Variants in TRMT9B observed in about 807,000 individuals in gnomAD.
The protein encoded by TRMT9B is probable tRNA methyltransferase 9B.
Under a neutral mutation model 11.5 loss-of-function variants are expected in TRMT9B, and 16 were observed. That is an observed-to-expected ratio of 1.39 (90% CI 0.94 to 2.11). TRMT9B has a LOEUF of 2.11. Among genes scored for constraint, TRMT9B ranks in the 30% most tolerant of loss-of-function variants. TRMT9B has a pLI of 0.00. For synonymous variants in TRMT9B, 274 were observed against 192.4 expected (o/e 1.42, Z -3.51); for missense variants, 941 against 553.8 (o/e 1.70, Z -7.02).
At chr8:12,972,424 C>T (rs1803776343) in intron 1 of TRMT9B, among the ~76,000 whole-genome samples, 1 of 152,122 alleles carries the variant, frequency 6.6e-6, no homozygotes, top group South Asian at 2.1e-4. Flanking sequence ...TGCAAAAGAG[C>T]TAGTCCTGGG....
intron 1 of TRMT9B, among the ~76,000 whole-genome samples, chr8:12,958,034 C>G (rs747360703): frequency 6.6e-6 from 1 of 152,036 alleles, no homozygotes; most frequent in South Asian, 2.1e-4. Context: ...CGTTTTCACC[C>G]GGCTGATAAA....
intron 2 of TRMT9B, among the ~76,000 whole-genome samples, chr8:13,001,911 T>C (rs1186313562): frequency 6.6e-6 from 1 of 152,222 alleles, no homozygotes. Context: ...CCCGTGCTCT[T>C]GTTTTAGTAC....
In TRMT9B at chr8:13,024,864, T is replaced by A. The variant is rs1198791947; in HGVS notation, c.*2820T>A. 3 of 166,990 alleles carry A rather than the reference T, an allele frequency of 1.8e-5. No homozygotes were observed. The Admixed American group carries it at 2.0e-4, about 11-fold the overall frequency. The allele number at this position is 166,990 out of a possible 1,614,324, so 10.3% of individuals were successfully genotyped here. On this transcript the variant is annotated 3_prime_UTR_variant, in exon 5 of 5. Transcript: ENST00000524591. ...GATTGATAATCTCTCTTTGGGGTAGTCACATGGAAAGCTCTTTTAAATTTA... is the reference window on the plus strand; with the variant it reads ...GATTGATAATCTCTCTTTGGGGTAGACACATGGAAAGCTCTTTTAAATTTA...
rs1223540759 is a variant in TRMT9B, at chr8:13,005,085, C to CAA, written c.-1-1103_-1-1102dup. On this transcript the variant is annotated intron_variant, in intron 2 of 4. Coordinates refer to ENST00000524591, the MANE Select transcript of TRMT9B (RefSeq NM_020844.3). ...TGGGCGATACAGCGAGACTGCATCT[C>CAA]AAAAAAAAAAAAAAAGAAAAAGAAA... 6.3e-3 allele frequency among the ~76,000 whole-genome samples: 556 copies of CAA among 87,626 alleles called. 8 individuals carry two copies. Among genetic ancestry groups the CAA allele is most frequent in the African/African-American group, 0.022 (503 of 22,576 alleles). 57.5% of individuals were successfully genotyped at this position (87,626 alleles called of 152,430 possible).
At chr8:12,986,258 C>G (rs1394309046) in intron 1 of TRMT9B, among the ~76,000 whole-genome samples, 2 of 152,150 alleles carry the variant, frequency 1.3e-5, no homozygotes, top group African/African-American at 4.8e-5. Flanking sequence ...AGTCTAAAAC[C>G]TACACCTCCT....
chr8:12,997,812 T>C (rs1808636830), intron 2 of TRMT9B, among the ~76,000 whole-genome samples: 1 of 152,310 alleles, frequency 6.6e-6, no homozygotes, highest in African/African-American at 2.4e-5. Context: ...GTAGCTTTAG[T>C]TGTTGCTGTC....
intron 4 of TRMT9B, among the ~76,000 whole-genome samples, chr8:13,014,485 A>C (rs1484685969): frequency 6.6e-6 from 1 of 152,138 alleles, no homozygotes; most frequent in Non-Finnish European, 1.5e-5. Context: ...GGGGAGAATG[A>C]GAGAGATAGA....
intron 1 of TRMT9B, among the ~76,000 whole-genome samples, chr8:12,977,534 C>G (rs1804647435): frequency 1.3e-5 from 2 of 152,098 alleles, no homozygotes; most frequent in South Asian, 2.1e-4. Flanking sequence ...AACCCCATCT[C>G]TACTAAAAAT....
intron 3 of TRMT9B, chr8:13,011,932 GT>G: frequency 1.0e-6 from 1 of 985,316 alleles, no homozygotes; most frequent in Non-Finnish European, 1.2e-6. Flanking sequence ...GTTGACAGTT[GT>G]TTGTTTTGCA....
At chr8:13,007,981 C>G (rs1263025222) in intron 3 of TRMT9B, among the ~76,000 whole-genome samples, 1 of 152,136 alleles carries the variant, frequency 6.6e-6, no homozygotes, top group Non-Finnish European at 1.5e-5. Flanking sequence ...TGCCATTATT[C>G]ACAGTACTTA....
At chr8:12,963,623 C>T (rs1419100145) in intron 1 of TRMT9B, among the ~76,000 whole-genome samples, 1 of 151,710 alleles carries the variant, frequency 6.6e-6, no homozygotes, top group African/African-American at 2.4e-5. Context: ...TGGAGTGTGC[C>T]TGTAGTTCTA....
At chr8:12,996,706 A>C (rs1025089779) in intron 2 of TRMT9B, among the ~76,000 whole-genome samples, 1 of 152,208 alleles carries the variant, frequency 6.6e-6, no homozygotes, top group African/African-American at 2.4e-5. Flanking sequence ...GGGGGTTTTA[A>C]TTGAAATATA....
chr8:12,982,754 C>A (rs947202431), intron 1 of TRMT9B, among the ~76,000 whole-genome samples: 2 of 152,072 alleles, frequency 1.3e-5, no homozygotes, highest in Admixed American at 1.3e-4. Flanking sequence ...CTGAAATGCT[C>A]AAAAATTTGA....
chr8:12,985,461 C>A (rs1393825835), intron 1 of TRMT9B, among the ~76,000 whole-genome samples: 1 of 152,152 alleles, frequency 6.6e-6, no homozygotes, highest in African/African-American at 2.4e-5. Context: ...CAAAGTGTCA[C>A]CCCAATCTAG....
intron 3 of TRMT9B, chr8:13,007,201 C>G (rs1462675075): frequency 1.3e-5 from 2 of 152,188 alleles, no homozygotes; most frequent in Admixed American, 1.3e-4. Flanking sequence ...CCAGTAATAT[C>G]TTATGAATCT....
chr8:13,001,363 C>T (rs184261366), intron 2 of TRMT9B, among the ~76,000 whole-genome samples: 2 of 152,284 alleles, frequency 1.3e-5, no homozygotes, highest in East Asian at 3.9e-4. Context: ...GGCTCAGAAG[C>T]AGGTTCTCTT....
chr8:13,003,669 T>C (rs978459292), intron 2 of TRMT9B, among the ~76,000 whole-genome samples: 12 of 150,810 alleles, frequency 8.0e-5, no homozygotes, highest in African/African-American at 2.7e-4. Flanking sequence ...CTGAACCCAA[T>C]GGGACAAGCT....
chr8:12,979,646 G>A (rs192641888), intron 1 of TRMT9B, among the ~76,000 whole-genome samples: 138 of 152,204 alleles, frequency 9.1e-4, no homozygotes, highest in African/African-American at 3.1e-3. Flanking sequence ...TGCAACTACA[G>A]GTGATTAGTT....
chr8:13,002,753 TAAG>T (rs1809681184), intron 2 of TRMT9B, among the ~76,000 whole-genome samples: 2 of 152,084 alleles, frequency 1.3e-5, no homozygotes, highest in African/African-American at 4.8e-5. Context: ...GGTGAGCAAA[TAAG>T]AAACAATATT....
Sources: gnomAD v4.1 joint callset for allele counts (sites outside exome capture counted in the v4.1 genomes callset) on GRCh38, gnomAD v4.1.1 for gene constraint, MANE v1.5 for transcripts, NCBI Gene and HGNC (gene_info 2026-07-23, HGNC 2026-07-21) for gene names.